Variants in CDC42SE2 observed in about 807,000 individuals in gnomAD.
CDC42SE2 encodes the protein CDC42 small effector protein 2.
A neutral mutation model predicts 11.5 loss-of-function variants in CDC42SE2; 3 were observed. The observed-to-expected ratio is 0.26, with a 90% CI of 0.12 to 0.67. The LOEUF is 0.67. CDC42SE2 is among the 30% of genes least tolerant of loss of function. The probability of loss-of-function intolerance (pLI) is 0.80; values close to 1 mark genes in which losing one functional copy is unlikely to be tolerated. For synonymous variants in CDC42SE2, 33 were observed against 34.8 expected (o/e 0.95, Z 0.18); for missense variants, 82 against 106.8 (o/e 0.77, Z 1.02).
intron 2 of CDC42SE2, among the ~76,000 whole-genome samples, chr5:131,321,455 G>A (rs370469215): frequency 1.4e-4 from 22 of 152,090 alleles, no homozygotes; most frequent in African/African-American, 5.3e-4. Flanking sequence ...GAACTCAGGA[G>A]TTCAAATCCA....
rs569371201 is a variant in CDC42SE2 at position 131,379,078 on chromosome 5, A to G, written c.55-6465A>G. On this transcript the variant is annotated intron_variant, in intron 3 of 4. Transcript: ENST00000505065. Reference sequence around the variant, plus strand: ...ATAGATTTAGGGATTTAGTTACACAACTCAACTGACTTTCTCTAGGTCATA... The same window carrying G: ...ATAGATTTAGGGATTTAGTTACACAGCTCAACTGACTTTCTCTAGGTCATA... Among the ~76,000 whole-genome samples, 3 of 152,260 alleles carry G rather than the reference A, an allele frequency of 2.0e-5. No homozygotes were observed. In the South Asian group the frequency reaches 6.2e-4, roughly 32 times the overall value.
At chr5:131,355,496 GAGAAAGAGA>G (rs1169318437) in intron 2 of CDC42SE2, among the ~76,000 whole-genome samples, 1 of 151,884 alleles carries the variant, frequency 6.6e-6, no homozygotes, top group Non-Finnish European at 1.5e-5. Flanking sequence ...GAAAGAGAGA[GAGAAAGAGA>G]AGAGAGAGAA....
chr5:131,320,616 C>T (rs1248832048), intron 2 of CDC42SE2, among the ~76,000 whole-genome samples: 2 of 151,828 alleles, frequency 1.3e-5, no homozygotes, highest in African/African-American at 2.4e-5. Context: ...GTGGCGCATG[C>T]TTGTAATCTC....
intron 3 of CDC42SE2, among the ~76,000 whole-genome samples, chr5:131,378,840 C>T (rs1186263268): frequency 6.6e-6 from 1 of 152,166 alleles, no homozygotes; most frequent in Non-Finnish European, 1.5e-5. Flanking sequence ...ACAGTAACCA[C>T]TGAAAACTCA....
intron 1 of CDC42SE2, among the ~76,000 whole-genome samples, chr5:131,306,386 T>C (rs944524681): frequency 4.6e-5 from 7 of 151,628 alleles, no homozygotes; most frequent in Admixed American, 1.3e-4. Context: ...TTGGTAACTT[T>C]GTTGAAAGCC....
intron 1 of CDC42SE2, among the ~76,000 whole-genome samples, chr5:131,278,492 C>A (rs1340240225): frequency 3.4e-5 from 2 of 58,890 alleles, no homozygotes; most frequent in African/African-American, 9.6e-5. Flanking sequence ...GATTGTGCCT[C>A]TCTCTCCAGC....
At chr5:131,267,336 C>A (rs1370413965) in intron 1 of CDC42SE2, among the ~76,000 whole-genome samples, 1 of 151,704 alleles carries the variant, frequency 6.6e-6, no homozygotes, top group Non-Finnish European at 1.5e-5. Flanking sequence ...GGATTACAGG[C>A]GTGAGCCACC....
intron 2 of CDC42SE2, among the ~76,000 whole-genome samples, chr5:131,347,953 A>G (rs905146331): frequency 3.3e-5 from 5 of 152,260 alleles, no homozygotes; most frequent in African/African-American, 4.8e-5. Flanking sequence ...ACAACGCTTC[A>G]TGCTAAAAAC....
chr5:131,322,138 C>G (rs1456887326), intron 2 of CDC42SE2, among the ~76,000 whole-genome samples: 4 of 152,198 alleles, frequency 2.6e-5, no homozygotes, highest in African/African-American at 9.6e-5. Flanking sequence ...GCATGAGCCA[C>G]CACGCCTGGC....
At chr5:131,279,536 C>G (rs1282255743) in intron 1 of CDC42SE2, among the ~76,000 whole-genome samples, 1 of 142,014 alleles carries the variant, frequency 7.0e-6, no homozygotes, top group Non-Finnish European at 1.5e-5. Context: ...ACTTATTACC[C>G]TTTAAGTGCT....
intron 3 of CDC42SE2, among the ~76,000 whole-genome samples, chr5:131,370,403 G>A (rs1444359279): frequency 1.3e-5 from 2 of 151,578 alleles, no homozygotes; most frequent in Non-Finnish European, 2.9e-5. Flanking sequence ...AATAGGCAAC[G>A]TTAAGTGGAG....
chr5:131,315,714 A>G (rs1358441714), intron 1 of CDC42SE2, among the ~76,000 whole-genome samples: 1 of 152,202 alleles, frequency 6.6e-6, no homozygotes, highest in East Asian at 1.9e-4. Context: ...TGGGTCCACC[A>G]AAGGTATCTG....
At chr5:131,301,869 G>T (rs1033898584) in intron 1 of CDC42SE2, among the ~76,000 whole-genome samples, 29 of 151,998 alleles carry the variant, frequency 1.9e-4, no homozygotes, top group Non-Finnish European at 1.9e-4. Context: ...TTCCCTTTCT[G>T]ATACCCCTAT....
At chr5:131,337,397 G>T (rs1004635399) in intron 2 of CDC42SE2, among the ~76,000 whole-genome samples, 6 of 152,252 alleles carry the variant, frequency 3.9e-5, no homozygotes, top group Admixed American at 3.3e-4. Context: ...GTGCCTCCCA[G>T]TTAGGCTGCT....
At chr5:131,290,101 C>T (rs1328424549) in intron 1 of CDC42SE2, among the ~76,000 whole-genome samples, 1 of 152,138 alleles carries the variant, frequency 6.6e-6, no homozygotes, top group Non-Finnish European at 1.5e-5. Flanking sequence ...CCTGCCTCCA[C>T]CTCCCAAAGT....
intron 3 of CDC42SE2, among the ~76,000 whole-genome samples, chr5:131,384,647 A>C (rs1429402567): frequency 6.6e-6 from 1 of 152,168 alleles, no homozygotes. Context: ...AAACTCTTAG[A>C]TAATCAGTGA....
chr5:131,266,419 G>A (rs1232793959), intron 1 of CDC42SE2, among the ~76,000 whole-genome samples: 1 of 146,172 alleles, frequency 6.8e-6, no homozygotes, highest in Non-Finnish European at 1.5e-5. Flanking sequence ...TCAAATAGAA[G>A]TTTCAGATTT....
At chr5:131,303,154 G>A (rs942810775) in intron 1 of CDC42SE2, among the ~76,000 whole-genome samples, 2 of 152,144 alleles carry the variant, frequency 1.3e-5, no homozygotes, top group African/African-American at 2.4e-5. Context: ...TTATTGCAGT[G>A]CTAATAGACA....
chr5:131,288,329 GATAAA>G (rs1390152870), intron 1 of CDC42SE2, among the ~76,000 whole-genome samples: 2 of 152,074 alleles, frequency 1.3e-5, no homozygotes, highest in African/African-American at 2.4e-5. Flanking sequence ...TTTAGTTCCT[GATAAA>G]ATAAAGTTTT....
Sources: allele counts gnomAD v4.1 joint callset (sites outside exome capture counted in the v4.1 genomes callset), GRCh38; gene constraint gnomAD v4.1.1; transcripts MANE v1.5; gene names NCBI Gene and HGNC (gene_info 2026-07-23, HGNC 2026-07-21).